COL13A1: variants seen among roughly 807,000 people sequenced by gnomAD.
COL13A1 encodes the protein collagen type XIII alpha 1 chain.
Under a neutral mutation model 130.9 loss-of-function variants are expected in COL13A1, and 89 were observed. That is an observed-to-expected ratio of 0.68 (90% CI 0.57 to 0.81). COL13A1 has a LOEUF of 0.81. Among genes scored for constraint, COL13A1 ranks in the 30% least tolerant of loss-of-function variants. The pLI is 0.00. For synonymous variants in COL13A1, 402 were observed against 341.6 expected (o/e 1.18, Z -1.95); for missense variants, 879 against 934.6 (o/e 0.94, Z 0.78).
chr10:69,930,740 G>T (rs187973909), intron 30 of COL13A1, among the ~76,000 whole-genome samples, 188 bp downstream of exon 30: 5 of 152,298 alleles, frequency 3.3e-5, no homozygotes, highest in African/African-American at 1.2e-4. Flanking sequence ...CCAGTTTCCC[G>T]ACTCAGGAGA....
chr10:69,947,275 T>C, intron 37 of COL13A1, 32 bp from the exon 38 acceptor site: 2 of 1,611,330 alleles, frequency 1.2e-6, no homozygotes, highest in East Asian at 4.5e-5. Flanking sequence ...GTGTCCTCAT[T>C]AACATGCCTT....
intron 10 of COL13A1, 63 bp from the exon 11 acceptor site, chr10:69,894,489 C>A: frequency 6.3e-7 from 1 of 1,599,362 alleles, no homozygotes; most frequent in Non-Finnish European, 8.5e-7. Flanking sequence ...CCCACCCAGG[C>A]AGGTGTCCCT....
chr10:69,898,470 C>T (rs533980644), intron 13 of COL13A1, among the ~76,000 whole-genome samples: 13 of 152,352 alleles, frequency 8.5e-5, no homozygotes, highest in African/African-American at 2.6e-4. Context: ...TCCTAAGGGA[C>T]GGCTGTGCCA....
rs114281027 is a variant in COL13A1 at position 69,915,408 on chromosome 10, A to G, written c.922-1881A>G. Among the ~76,000 whole-genome samples, 800 of 152,324 alleles carry G rather than the reference A, an allele frequency of 5.3e-3. 8 individuals carry two copies. The highest frequency in any genetic ancestry group is 0.018 in the African/African-American group (757 of 41,574). On this transcript the variant is annotated intron_variant, in intron 17 of 40. Transcript: ENST00000645393. ...TGGTTCAGGGGTCACTGGTGGGGTC[A>G]TGCTGAGAGAGGGCTCTGGCATTGG...
chr10:69,853,614 C>G (rs763229375), intron 2 of COL13A1, among the ~76,000 whole-genome samples: 1 of 151,958 alleles, frequency 6.6e-6, no homozygotes, highest in Non-Finnish European at 1.5e-5. Flanking sequence ...AGGAAAACTG[C>G]TAGATGTACA....
At chr10:69,852,945 A>C (rs563661716) in intron 2 of COL13A1, among the ~76,000 whole-genome samples, 1 of 152,248 alleles carries the variant, frequency 6.6e-6, no homozygotes, top group Non-Finnish European at 1.5e-5. Flanking sequence ...TTTTGTCTGC[A>C]GAGAGCTCTG....
intron 4 of COL13A1, among the ~76,000 whole-genome samples, chr10:69,874,186 C>T (rs2059362052): frequency 6.6e-6 from 1 of 152,244 alleles, no homozygotes; most frequent in Admixed American, 6.5e-5. Flanking sequence ...ATAATTGCTT[C>T]TCTCTGGTGT....
intron 20 of COL13A1, among the ~76,000 whole-genome samples, chr10:69,919,306 C>T (rs914909103): frequency 3.9e-5 from 6 of 152,196 alleles, no homozygotes; most frequent in South Asian, 2.1e-4. Flanking sequence ...CAGGCAGTGA[C>T]TATTGTCCCC....
chr10:69,947,465 G>T, intron 38 of COL13A1, 123 bp downstream of exon 38: 1 of 943,888 alleles, frequency 1.1e-6, no homozygotes, highest in South Asian at 1.8e-5. Context: ...ATCCTAAATT[G>T]AAAGGCTTTA....
chr10:69,834,250 C>T (rs1036166043), intron 2 of COL13A1, among the ~76,000 whole-genome samples: 25 of 152,294 alleles, frequency 1.6e-4, no homozygotes, highest in African/African-American at 6.0e-4. Context: ...TCTATTGCCA[C>T]CGCTGACCTC....
chr10:69,897,493 C>T (rs760283988), intron 13 of COL13A1: 7 of 1,613,948 alleles, frequency 4.3e-6, no homozygotes, highest in Non-Finnish European at 5.9e-6. Context: ...AAGCAGCATG[C>T]CAGCAGCTCT....
chr10:69,839,557 A>G (rs1851029823), intron 2 of COL13A1, among the ~76,000 whole-genome samples: 1 of 152,248 alleles, frequency 6.6e-6, no homozygotes, highest in South Asian at 2.1e-4. Context: ...CCCACCACGC[A>G]GAGCTAACAG....
At chr10:69,894,631 C>T in intron 11 of COL13A1, 44 bp from the exon 12 acceptor site, 2 of 1,613,960 alleles carry the variant, frequency 1.2e-6, no homozygotes, top group African/African-American at 1.3e-5. Context: ...GTGGCTGTGA[C>T]CTTAGCTTTG....
intron 2 of COL13A1, among the ~76,000 whole-genome samples, chr10:69,845,727 T>A (rs527880851): frequency 6.7e-6 from 1 of 148,790 alleles, no homozygotes; most frequent in Non-Finnish European, 1.5e-5. Flanking sequence ...ATTTCACCCT[T>A]TTTCCAAATC....
chr10:69,817,884 G>C (rs1230922458), intron 1 of COL13A1, among the ~76,000 whole-genome samples: 1 of 152,130 alleles, frequency 6.6e-6, no homozygotes, highest in East Asian at 1.9e-4. Flanking sequence ...TTGAAGCCTA[G>C]GCTGTGGATG....
At chr10:69,809,759 T>C (rs1842470753) in intron 1 of COL13A1, among the ~76,000 whole-genome samples, 1 of 152,260 alleles carries the variant, frequency 6.6e-6, no homozygotes, top group African/African-American at 2.4e-5. Context: ...CGTGCCACCA[T>C]CTTTGTTGTA....
chr10:69,935,545 T>C (rs959717185), intron 32 of COL13A1, among the ~76,000 whole-genome samples, 154 bp downstream of exon 32: 1 of 152,184 alleles, frequency 6.6e-6, no homozygotes, highest in Non-Finnish European at 1.5e-5. Context: ...TTCCCTCCCA[T>C]GTTAAACAGC....
intron 39 of COL13A1, among the ~76,000 whole-genome samples, chr10:69,954,191 C>T (rs1454350901): frequency 6.6e-6 from 1 of 152,206 alleles, no homozygotes; most frequent in Admixed American, 6.5e-5. Flanking sequence ...CCCGCCTAGG[C>T]TAGTACTCTG....
intron 4 of COL13A1, among the ~76,000 whole-genome samples, chr10:69,873,348 G>T (rs1306372140): frequency 6.6e-6 from 1 of 152,188 alleles, no homozygotes; most frequent in East Asian, 1.9e-4. Context: ...CTTGCAAATG[G>T]AAACTCTCCC....
Sources: allele counts gnomAD v4.1 joint callset (sites outside exome capture counted in the v4.1 genomes callset), GRCh38; gene constraint gnomAD v4.1.1; transcripts MANE v1.5; gene names NCBI Gene and HGNC (gene_info 2026-07-23, HGNC 2026-07-21).